Variants in SCTR observed in about 807,000 individuals in gnomAD.
SCTR encodes secretin receptor.
In SCTR, 56 loss-of-function variants were observed where a neutral mutation model predicts 60.8. The ratio of observed to expected loss-of-function variants is 0.92; its 90% CI spans 0.74 to 1.15. The LOEUF is 1.15. Ranked by LOEUF, SCTR falls within the 50% of genes most tolerant of loss-of-function variation. The pLI, the probability that SCTR is intolerant of heterozygous loss-of-function variation, is 0.00. For synonymous variants in SCTR, 202 were observed against 217.0 expected (o/e 0.93, Z 0.61); for missense variants, 562 against 550.4 (o/e 1.02, Z -0.21).
chr2:119,443,046 G>A (rs1264915363), intron 11 of SCTR, among the ~76,000 whole-genome samples: 1 of 152,172 alleles, frequency 6.6e-6, no homozygotes, highest in East Asian at 1.9e-4. Flanking sequence ...CTGGAGCTCT[G>A]TGTGCTTGGC....
chr2:119,524,296 A>G lies in SCTR; in HGVS notation c.-70T>C. ...GTGCCCTCTGCCCGCTCGGGAGCTCAGCGCCCCGCGCAGGGTCCCGGGCTC... is the reference window on the plus strand; with the variant it reads ...GTGCCCTCTGCCCGCTCGGGAGCTCGGCGCCCCGCGCAGGGTCCCGGGCTC... On this transcript the variant is annotated 5_prime_UTR_variant, in exon 1 of 13. An upstream open reading frame in the 5' UTR loses its in-frame stop. Transcript: ENST00000019103. The G allele has an allele frequency of 9.2e-7, 1 of 1,090,980 alleles. No individual in the cohort carries two copies. Among genetic ancestry groups the G allele is most frequent in the Middle Eastern group, 3.1e-4 (1 of 3,184 alleles). 67.6% of individuals were successfully genotyped at this position (1,090,980 alleles called of 1,614,324 possible). A position where few individuals can be genotyped will look rare whatever the true frequency, so the allele number is the denominator to read the frequency against.
intron 1 of SCTR, among the ~76,000 whole-genome samples, chr2:119,523,022 G>T (rs1387993523): frequency 6.6e-6 from 1 of 152,194 alleles, no homozygotes; most frequent in Admixed American, 6.5e-5. Flanking sequence ...TCTCCTGAGT[G>T]TCAACACTCT....
chr2:119,487,767 A>C (rs1573888889), intron 2 of SCTR, among the ~76,000 whole-genome samples: 1 of 152,128 alleles, frequency 6.6e-6, no homozygotes, highest in Non-Finnish European at 1.5e-5. Context: ...TTAATTTTTT[A>C]TTTGTGATAA....
intron 1 of SCTR, among the ~76,000 whole-genome samples, chr2:119,512,968 C>T (rs1679004538): frequency 6.6e-6 from 1 of 152,172 alleles, no homozygotes; most frequent in Non-Finnish European, 1.5e-5. Context: ...ACATTGGAGG[C>T]CCTCCTCAAT....
At chr2:119,487,308 T>C (rs1677912037) in intron 2 of SCTR, 1 of 152,256 alleles carries the variant, frequency 6.6e-6, no homozygotes, top group Non-Finnish European at 1.5e-5. Context: ...TTTAACGCTA[T>C]GTGAATTTCA....
At chr2:119,502,849 A>G (rs1678597900) in intron 1 of SCTR, among the ~76,000 whole-genome samples, 1 of 151,590 alleles carries the variant, frequency 6.6e-6, no homozygotes, top group Non-Finnish European at 1.5e-5. Context: ...AAAGAAAGAA[A>G]AGAAAAAAGA....
At chr2:119,522,363 G>C (rs1679314811) in intron 1 of SCTR, among the ~76,000 whole-genome samples, 1 of 152,172 alleles carries the variant, frequency 6.6e-6, no homozygotes, top group African/African-American at 2.4e-5. Flanking sequence ...GCCCTGGATG[G>C]TTGGGAATCA....
At chr2:119,472,704 C>T (rs1677076606) in intron 4 of SCTR, among the ~76,000 whole-genome samples, 1 of 152,172 alleles carries the variant, frequency 6.6e-6, no homozygotes, top group South Asian at 2.1e-4. Context: ...TGCAGCGACA[C>T]AATCACTGCT....
intron 11 of SCTR, among the ~76,000 whole-genome samples, chr2:119,443,741 T>C (rs1342786544): frequency 6.6e-6 from 1 of 152,148 alleles, no homozygotes; most frequent in Non-Finnish European, 1.5e-5. Flanking sequence ...GAGACAGGCT[T>C]TCATCATGTT....
chr2:119,445,552 C>G (rs1347558818), intron 11 of SCTR, among the ~76,000 whole-genome samples: 1 of 152,198 alleles, frequency 6.6e-6, no homozygotes, highest in African/African-American at 2.4e-5. Context: ...CTGAACAGAG[C>G]TCTAGGGATG....
chr2:119,470,611 A>AGTT (rs1387867338), intron 4 of SCTR, among the ~76,000 whole-genome samples: 1 of 152,174 alleles, frequency 6.6e-6, no homozygotes, highest in Non-Finnish European at 1.5e-5. Flanking sequence ...GGGATTTTAC[A>AGTT]GTTTTAATCT....
intron 3 of SCTR, among the ~76,000 whole-genome samples, chr2:119,478,116 T>G (rs75653744): frequency 0.019 from 2,828 of 152,364 alleles, 34 homozygotes; most frequent in South Asian, 0.053. Flanking sequence ...GCAGCTTTGC[T>G]GTCCTGCATG....
At chr2:119,483,930 C>T (rs1313697187) in intron 2 of SCTR, among the ~76,000 whole-genome samples, 3 of 152,008 alleles carry the variant, frequency 2.0e-5, no homozygotes, top group African/African-American at 4.8e-5. Flanking sequence ...GACTCCACTC[C>T]GGGACTCCCC....
Position 119,452,032 on chromosome 2 carries a change from C to G in SCTR, c.899G>C (p.Gly300Ala). 1 of 1,607,462 alleles carries G rather than the reference C, an allele frequency of 6.2e-7. No individual in the cohort carries two copies. The highest frequency in any genetic ancestry group is 1.3e-5 in the African/African-American group (1 of 74,982). ...ANASIWWIIR[G>A]PVILSILINF... Reference sequence around the variant, plus strand: ...CACCAGGATGGAGAGGATCACAGGACCACGAATGATCCACCAGATGGATGC... The same window carrying G: ...CACCAGGATGGAGAGGATCACAGGAGCACGAATGATCCACCAGATGGATGC... Residue 300 changes from glycine (G) to alanine (A), a missense_variant, in exon 9 of 13, where the codon GGT becomes GCT. By Grantham distance (60) the Gly-to-Ala change is moderately conservative. Coordinates refer to ENST00000019103, the MANE Select transcript of SCTR (RefSeq NM_002980.3).
chr2:119,483,642 G>T (rs1677733716), intron 2 of SCTR, among the ~76,000 whole-genome samples: 1 of 152,188 alleles, frequency 6.6e-6, no homozygotes. Context: ...TTTTTTCATA[G>T]TTGCACTTTT....
At chr2:119,476,329 ATGAACAACG>A (rs1335997328) in intron 3 of SCTR, 1 of 152,186 alleles carries the variant, frequency 6.6e-6, no homozygotes, top group African/African-American at 2.4e-5. Context: ...CAGGCTGGGT[ATGAACAACG>A]TGGCCCCCAC....
At position 119,444,151 on chromosome 2, in the gene SCTR, TTA is replaced by T. The variant is rs147516656; in HGVS notation, c.1141-2554_1141-2553del. Among the ~76,000 whole-genome samples the T allele has an allele frequency of 6.3e-3, 875 of 139,436 alleles. 43 individuals are homozygous for T. Among genetic ancestry groups the T allele is most frequent in the African/African-American group, 0.024 (802 of 33,866 alleles). The allele number at this position is 139,436 out of a possible 152,430, so 91.5% of individuals were successfully genotyped here. The stretch of plus-strand genomic sequence containing the variant: ...TATATAAGAATATATATACATATTC[TTA>T]TATATATATACACATATGTATATAT... On this transcript the variant is annotated intron_variant, in intron 11 of 12. Transcript: ENST00000019103.
chr2:119,519,227 G>A (rs1388016749), intron 1 of SCTR, among the ~76,000 whole-genome samples: 2 of 151,986 alleles, frequency 1.3e-5, no homozygotes, highest in East Asian at 3.9e-4. Context: ...CACCCGCCTC[G>A]GCCTCCCAAA....
At chr2:119,503,751 C>T (rs967592097) in intron 1 of SCTR, among the ~76,000 whole-genome samples, 3 of 152,076 alleles carry the variant, frequency 2.0e-5, no homozygotes, top group African/African-American at 7.2e-5. Flanking sequence ...TTTGTCAAAA[C>T]CCATAGAATA....
Sources: allele counts gnomAD v4.1 joint callset (sites outside exome capture counted in the v4.1 genomes callset), GRCh38; gene constraint gnomAD v4.1.1; transcripts MANE v1.5; gene names NCBI Gene and HGNC (gene_info 2026-07-23, HGNC 2026-07-21).